Variants in MYO1E observed in about 807,000 individuals in gnomAD.
MYO1E encodes the protein myosin IE, also known as unconventional myosin-Ie.
In MYO1E, 68 loss-of-function variants were observed where a neutral mutation model predicts 151.1. The ratio of observed to expected loss-of-function variants is 0.45; its 90% CI spans 0.37 to 0.55. The LOEUF (loss-of-function observed/expected upper bound fraction) is 0.55. Among genes scored for constraint, MYO1E ranks in the 20% least tolerant of loss-of-function variants. The pLI is 0.00. For missense variants in MYO1E, 1,363 were observed against 1,389.3 expected (o/e 0.98, Z 0.30); for synonymous variants, 601 against 501.7 (o/e 1.20, Z -2.64).
At chr15:59,252,190 C>G (rs2080168865) in intron 4 of MYO1E, among the ~76,000 whole-genome samples, 1 of 152,220 alleles carries the variant, frequency 6.6e-6, no homozygotes, top group Non-Finnish European at 1.5e-5. Context: ...TATTCCCTAG[C>G]TTTGTACTTT....
chr15:59,209,039 G>A (rs2079859696), intron 13 of MYO1E, 191 bp from the exon 14 acceptor site: 1 of 689,888 alleles, frequency 1.4e-6, no homozygotes, highest in East Asian at 2.7e-5. Context: ...TCTAAAGAGG[G>A]AGGAAACTCC....
At position 59,216,678 on chromosome 15, in the gene MYO1E, A is replaced by G. The variant is rs1489961184; in HGVS notation, c.1107+1213T>C. ...TGTGTGTGTATGTGTATATATATAT[A>G]TATATATACACATACACACACACAC... On this transcript the variant is annotated intron_variant, in intron 10 of 27. Transcript: ENST00000288235. Among the ~76,000 whole-genome samples the G allele has an allele frequency of 8.5e-3, 64 of 7,490 alleles. 1 individual carries two copies. Among genetic ancestry groups the G allele is most frequent in the Non-Finnish European group, 0.014 (26 of 1,922 alleles). The allele number at this position is 7,490 out of a possible 152,430, so 4.9% of individuals were successfully genotyped here.
rs1328356766 is a variant in MYO1E, at chr15:59,171,975, T to A, written c.2402A>T (p.Gln801Leu). 1.2e-6 allele frequency: 2 copies of A among 1,614,104 alleles called. No homozygotes were observed. Among genetic ancestry groups the A allele is most frequent in the Non-Finnish European group, 1.7e-6 (2 of 1,180,040 alleles). Residue 801 changes from glutamine (Q) to leucine (L), a missense_variant, in exon 22 of 28, where the codon CAG (glutamine) becomes CTG (leucine). Transcript: ENST00000288235. ...LYLIGREKVK[Q>L]GPDKGLVKEV... ...TTTCACCAGGCCCTTGTCTGGGCCC[T>A]GTTTGACTTTTTCTCGTCCGATTAA... is the stretch of plus-strand genomic sequence containing the variant.
chr15:59,344,894 A>G, intron 1 of MYO1E, among the ~76,000 whole-genome samples: 1 of 152,352 alleles, frequency 6.6e-6, no homozygotes, highest in South Asian at 2.1e-4. Context: ...AATAGGTACT[A>G]AAAGACCAAG....
chr15:59,163,083 C>A (rs1177763870), intron 23 of MYO1E, 74 bp downstream of exon 23: 2 of 1,553,832 alleles, frequency 1.3e-6, no homozygotes, highest in African/African-American at 1.4e-5. Context: ...CCAGCCCCAT[C>A]CTGAATCGCA....
intron 26 of MYO1E, among the ~76,000 whole-genome samples, chr15:59,149,174 A>G (rs1216534104): frequency 2.0e-5 from 3 of 149,424 alleles, no homozygotes; most frequent in African/African-American, 7.5e-5. Flanking sequence ...CTCCCGCCTC[A>G]GCCTCCTGAT....
chr15:59,217,808 G>T, intron 10 of MYO1E, 83 bp downstream of exon 10: 3 of 1,492,054 alleles, frequency 2.0e-6, no homozygotes, highest in Non-Finnish European at 2.8e-6. Flanking sequence ...GATTACAGGT[G>T]TGAGCCACCG....
At chr15:59,250,464 G>C (rs935455560) in intron 4 of MYO1E, among the ~76,000 whole-genome samples, 5 of 152,144 alleles carry the variant, frequency 3.3e-5, no homozygotes, top group Non-Finnish European at 7.3e-5. Flanking sequence ...CACAGGGAGA[G>C]GAAAACCAGA....
At chr15:59,244,268 T>C (rs1161852305) in intron 4 of MYO1E, among the ~76,000 whole-genome samples, 3 of 152,238 alleles carry the variant, frequency 2.0e-5, no homozygotes, top group Admixed American at 1.3e-4. Context: ...TGGCCCAGCC[T>C]GATGCAGTCA....
At chr15:59,285,677 A>G (rs536721199) in intron 1 of MYO1E, among the ~76,000 whole-genome samples, 1 of 152,292 alleles carries the variant, frequency 6.6e-6, no homozygotes, top group South Asian at 2.1e-4. Context: ...AAATAATAAA[A>G]TCAATTAATT....
At chr15:59,137,750 G>A (rs563920017) in intron 27 of MYO1E, among the ~76,000 whole-genome samples, 12 of 152,278 alleles carry the variant, frequency 7.9e-5, no homozygotes, top group African/African-American at 2.6e-4. Context: ...AGACCTCCCC[G>A]TTTCTGGGGA....
At chr15:59,333,751 T>C (rs1199024686) in intron 1 of MYO1E, among the ~76,000 whole-genome samples, 1 of 152,214 alleles carries the variant, frequency 6.6e-6, no homozygotes, top group East Asian at 1.9e-4. Context: ...TCTCCCTTTA[T>C]TCCTATGTTT....
rs1263419830 is a variant in MYO1E, at chr15:59,350,445, G to T, written c.3+22053C>A. On this transcript the variant is annotated intron_variant, in intron 1 of 27. Coordinates refer to ENST00000288235, the MANE Select transcript of MYO1E (RefSeq NM_004998.4). This position sits in a 1 kb window ranked among gnomAD's most constrained non-coding sequence, Gnocchi z 5.0. ...GTAGATGAAATTGAAAAGGATAAAG[G>T]GTACAGCCTCTATCATTGAATAAAC... Among the ~76,000 whole-genome samples, 3 of 152,180 alleles carry T rather than the reference G, an allele frequency of 2.0e-5. No homozygotes were observed. The highest frequency in any genetic ancestry group is 4.4e-5 in the Non-Finnish European group (3 of 68,034).
At chr15:59,341,016 C>CAAAAAAAAAAAAAAAA (rs35367694) in intron 1 of MYO1E, among the ~76,000 whole-genome samples, 61 of 86,048 alleles carry the variant, frequency 7.1e-4, no homozygotes, top group Non-Finnish European at 8.1e-4. Flanking sequence ...GACTCCATCT[C>CAAAAAAAAAAAAAAAA]AAAAAAAAAA....
chr15:59,188,294 C>A (rs773520209), intron 17 of MYO1E, 78 bp from the exon 18 acceptor site: 3 of 1,105,596 alleles, frequency 2.7e-6, no homozygotes, highest in Non-Finnish European at 4.2e-6. Context: ...AACCCCCAAG[C>A]CCCCAGTTCC....
chr15:59,159,069 C>A lies in MYO1E; in HGVS notation c.2786-690G>T, dbSNP rs1259246830. On this transcript the variant is annotated intron_variant, in intron 24 of 27. Coordinates refer to ENST00000288235, the MANE Select transcript of MYO1E (RefSeq NM_004998.4). This position sits in a 1 kb window ranked among gnomAD's most constrained non-coding sequence, Gnocchi z 4.4. ...GAACAGGAAGGAAGGTAGGATTAAACCAGCTGGAAGAGGGGTGCAGAGGGA... is the reference window on the plus strand; with the variant it reads ...GAACAGGAAGGAAGGTAGGATTAAAACAGCTGGAAGAGGGGTGCAGAGGGA... Among the ~76,000 whole-genome samples the A allele has an allele frequency of 6.6e-6, 1 of 152,150 alleles. No homozygotes were observed. The highest frequency in any genetic ancestry group is 1.5e-5 in the Non-Finnish European group (1 of 68,028).
At chr15:59,177,970 C>G (rs901301310) in intron 19 of MYO1E, among the ~76,000 whole-genome samples, 18 of 152,192 alleles carry the variant, frequency 1.2e-4, no homozygotes, top group Non-Finnish European at 2.2e-4. Flanking sequence ...GTCAACTAAC[C>G]ATGGGTGGGA....
intron 18 of MYO1E, among the ~76,000 whole-genome samples, chr15:59,184,086 G>C (rs929685795): frequency 1.3e-4 from 20 of 152,162 alleles, no homozygotes; most frequent in African/African-American, 4.6e-4. Flanking sequence ...TCGGCTCACT[G>C]CAACCTCTGC....
intron 19 of MYO1E, among the ~76,000 whole-genome samples, chr15:59,176,918 T>G (rs961535575): frequency 4.6e-5 from 7 of 152,036 alleles, no homozygotes; most frequent in Non-Finnish European, 7.4e-5. Flanking sequence ...ATAACACAAT[T>G]GAATGTAAGG....
Sources: allele counts gnomAD v4.1 joint callset (sites outside exome capture counted in the v4.1 genomes callset), GRCh38; gene constraint gnomAD v4.1.1; non-coding constraint Gnocchi (gnomAD v3.1); transcripts MANE v1.5; gene names NCBI Gene and HGNC (gene_info 2026-07-23, HGNC 2026-07-21).